The following SDHB variants were observed in gnomAD, a reference collection of about 807,000 sequenced individuals.
SDHB encodes the protein succinate dehydrogenase complex iron sulfur subunit B.
Under a neutral mutation model 39.7 loss-of-function variants are expected in SDHB, and 21 were observed. That is an observed-to-expected ratio of 0.53 (90% confidence interval 0.37 to 0.76). SDHB has a LOEUF of 0.76. SDHB is among the 30% of genes least tolerant of loss of function. The pLI, the probability that SDHB is intolerant of heterozygous loss-of-function variation, is 0.00. For synonymous variants in SDHB, 118 were observed against 117.0 expected, an observed-to-expected ratio of 1.01 and a Z score of -0.06; for missense variants, 343 against 350.9, an observed-to-expected ratio of 0.98 and a Z score of 0.18.
chr1:17,045,139 A>C, intron 1 of SDHB: 1 of 493,378 alleles, frequency 2.0e-6, no homozygotes, highest in Non-Finnish European at 3.7e-6. Flanking sequence ...CACAGAACTT[A>C]CTTTGTAGTG....
Position 17,042,954 on chromosome 1 carries a change from G to GTTTTTTTTTTTTT in SDHB, c.200+1794_200+1806dup, listed in dbSNP as rs143394198. ...AGCAGTAGGGTTTTTTGTTTTATGA[G>GTTTTTTTTTTTTT]TTTTTTTTTTTTTTTTTTTTTTTTT... On this transcript the variant is annotated intron_variant, in intron 2 of 7. Transcript: ENST00000375499. Among the ~76,000 whole-genome samples, 56 of 62,892 alleles carry GTTTTTTTTTTTTT rather than the reference G, an allele frequency of 8.9e-4. 7 individuals are homozygous for GTTTTTTTTTTTTT. The highest frequency in any genetic ancestry group is 1.2e-3 in the Non-Finnish European group (44 of 37,702). The allele number at this position is 62,892 out of a possible 152,430, so 41.3% of individuals were successfully genotyped here.
intron 1 of SDHB, among the ~76,000 whole-genome samples, chr1:17,049,725 T>A (rs2078134873): frequency 7.5e-6 from 1 of 132,868 alleles, no homozygotes; most frequent in Non-Finnish European, 1.5e-5. Flanking sequence ...AGTGGCGAGA[T>A]CTCTCTGCCT....
At chr1:17,047,208 T>G (rs1404592874) in intron 1 of SDHB, among the ~76,000 whole-genome samples, 4 of 148,988 alleles carry the variant, frequency 2.7e-5, no homozygotes, top group Non-Finnish European at 5.9e-5. Context: ...ATACAAAAAT[T>G]AGCCCGGTGT....
chr1:17,031,103 T>A (rs534512775), intron 3 of SDHB, among the ~76,000 whole-genome samples: 1 of 152,090 alleles, frequency 6.6e-6, no homozygotes, highest in African/African-American at 2.4e-5. Flanking sequence ...ATCACTTTCA[T>A]AAGACTAGAA....
At position 17,022,556 on chromosome 1, in the gene SDHB, C is replaced by T. The variant is rs747898945; in HGVS notation, c.765+52G>A. 8 of 1,610,240 alleles carry T rather than the reference C, an allele frequency of 5.0e-6. No homozygotes were observed. In the East Asian group the frequency reaches 1.8e-4, roughly 36 times the overall value. On this transcript the variant is annotated intron_variant, in intron 7 of 7. Transcript: ENST00000375499. ...ATCACCTCTTTGTGAGCACATGCTA[C>T]TTCTGGCGTGTCAGCTCTGAGGCAG...
intron 6 of SDHB, chr1:17,022,940 T>C (rs2077970407): frequency 3.4e-6 from 2 of 584,576 alleles, no homozygotes; most frequent in Admixed American, 4.7e-5. Flanking sequence ...AAACCTTTGA[T>C]CCATACTGCA....
intron 1 of SDHB, among the ~76,000 whole-genome samples, chr1:17,046,127 T>C (rs6690934): frequency 0.42 from 64,038 of 151,858 alleles, 15,139 homozygotes; most frequent in Non-Finnish European, 0.54. Flanking sequence ...AAGAAGAAAA[T>C]ATATGAAGAA....
intron 2 of SDHB, among the ~76,000 whole-genome samples, chr1:17,038,430 G>A (rs1217809596): frequency 2.0e-5 from 3 of 152,138 alleles, no homozygotes; most frequent in Non-Finnish European, 2.9e-5. Flanking sequence ...CTGCAGCCTT[G>A]CTAAATTTAC....
At chr1:17,050,775 C>G (rs2078142056) in intron 1 of SDHB, among the ~76,000 whole-genome samples, 1 of 152,102 alleles carries the variant, frequency 6.6e-6, no homozygotes, top group African/African-American at 2.4e-5. Flanking sequence ...AGTGATAGAG[C>G]TTTGCTCATC....
At chr1:17,039,667 T>G (rs1262145553) in intron 2 of SDHB, among the ~76,000 whole-genome samples, 1 of 152,152 alleles carries the variant, frequency 6.6e-6, no homozygotes, top group Middle Eastern at 3.2e-3. Flanking sequence ...ATAATTTACA[T>G]CTTTAACTCT....
At chr1:17,024,195 T>C in intron 5 of SDHB, 121 bp from the exon 6 acceptor site, 1 of 726,014 alleles carries the variant, frequency 1.4e-6, no homozygotes, top group South Asian at 1.5e-5. Flanking sequence ...GCATGTGAAT[T>C]TTCTTAGCAA....
At chr1:17,031,506 C>T (rs929648164) in intron 3 of SDHB, among the ~76,000 whole-genome samples, 1 of 152,156 alleles carries the variant, frequency 6.6e-6, no homozygotes, top group African/African-American at 2.4e-5. Context: ...AAAGCATCTA[C>T]CTTTCCTGTG....
intron 5 of SDHB, chr1:17,027,539 G>A (rs1290111217): frequency 1.8e-6 from 1 of 565,334 alleles, no homozygotes; most frequent in Admixed American, 2.8e-5. Context: ...CGGGGCACAG[G>A]GCTCTAGCTC....
At chr1:17,028,520 C>A in intron 4 of SDHB, 80 bp downstream of exon 4, 1 of 1,494,362 alleles carries the variant, frequency 6.7e-7, no homozygotes. Flanking sequence ...AAATCCTGCC[C>A]TGAAAAACTA....
In SDHB at chr1:17,024,117, G is replaced by C. The variant is rs773251888; in HGVS notation, c.541-43C>G. The C allele has an allele frequency of 1.7e-5, 23 of 1,361,338 alleles. No homozygotes were observed. Among genetic ancestry groups the C allele is most frequent in the East Asian group, 6.9e-5 (3 of 43,576 alleles). The allele number at this position is 1,361,338 out of a possible 1,614,324, so 84.3% of individuals were successfully genotyped here. A position where few individuals can be genotyped will look rare whatever the true frequency, so the allele number is the denominator to read the frequency against. On this transcript the variant is annotated intron_variant, in intron 5 of 7. Coordinates refer to ENST00000375499, the MANE Select transcript of SDHB (RefSeq NM_003000.3). Reference sequence around the variant, plus strand: ...AGAGGCAGGAGCTTGTGACGGGAGAGACTCTGCTATGTCTTCAGCTGATTA... The same window carrying C: ...AGAGGCAGGAGCTTGTGACGGGAGACACTCTGCTATGTCTTCAGCTGATTA...
At position 17,018,767 on chromosome 1, in the gene SDHB, T is replaced by G. The variant is rs1047132046; in HGVS notation, c.*114A>C. ...TAGAATAACATTTATTTCTTAAAATTTTTATTATACATGCTGTATTCATGG... is the reference window on the plus strand; with the variant it reads ...TAGAATAACATTTATTTCTTAAAATGTTTATTATACATGCTGTATTCATGG... On this transcript the variant is annotated 3_prime_UTR_variant, in exon 8 of 8. Coordinates refer to ENST00000375499, the MANE Select transcript of SDHB (RefSeq NM_003000.3). 4 of 744,420 alleles carry G rather than the reference T, an allele frequency of 5.4e-6. No individual in the cohort carries two copies. In the African/African-American group the frequency reaches 7.1e-5, roughly 13 times the overall value. The allele number at this position is 744,420 out of a possible 1,614,324, so 46.1% of individuals were successfully genotyped here. A position where few individuals can be genotyped will look rare whatever the true frequency, so the allele number is the denominator to read the frequency against.
chr1:17,029,144 C>T (rs189412429), intron 3 of SDHB, among the ~76,000 whole-genome samples: 5 of 123,918 alleles, frequency 4.0e-5, no homozygotes, highest in African/African-American at 1.5e-4. Context: ...CTCACTCTGT[C>T]ACCCAGGCTG....
chr1:17,046,591 T>C (rs1450118562), intron 1 of SDHB, among the ~76,000 whole-genome samples: 1 of 152,222 alleles, frequency 6.6e-6, no homozygotes, highest in African/African-American at 2.4e-5. Context: ...ACAGAATTCA[T>C]ATAAATGGCA....
rs558301894 is a variant in SDHB at position 17,021,669 on chromosome 1, T to C, written c.765+939A>G. Among the ~76,000 whole-genome samples the C allele has an allele frequency of 4.9e-4, 74 of 151,080 alleles. 1 individual carries two copies. In the Middle Eastern group the frequency reaches 0.011, roughly 22 times the overall value. Reference sequence around the variant, plus strand: ...CGAATGCAGGAGAATCACTTGAACCTGGGAGGCGGAGGTTGTGGTGAGCTG... The same window carrying C: ...CGAATGCAGGAGAATCACTTGAACCCGGGAGGCGGAGGTTGTGGTGAGCTG... On this transcript the variant is annotated intron_variant, in intron 7 of 7. Transcript: ENST00000375499.
Sources: gnomAD v4.1 joint callset for allele counts (sites outside exome capture counted in the v4.1 genomes callset) on GRCh38, gnomAD v4.1.1 for gene constraint, MANE v1.5 for transcripts, NCBI Gene and HGNC (gene_info 2026-07-23, HGNC 2026-07-21) for gene names.